SNTG1: variants seen among roughly 807,000 people sequenced by gnomAD.
SNTG1 encodes gamma-1-syntrophin.
In SNTG1, 39 loss-of-function variants were observed where a neutral mutation model predicts 74.7. The observed-to-expected ratio is 0.52, with a 90% CI of 0.40 to 0.68. SNTG1 has a LOEUF of 0.68. SNTG1 is among the 30% of genes least tolerant of loss of function. The probability of loss-of-function intolerance (pLI) is 0.00; values close to 1 mark genes in which losing one functional copy is unlikely to be tolerated. For synonymous variants in SNTG1, 254 were observed against 217.1 expected (o/e 1.17, Z -1.49); for missense variants, 685 against 609.5 (o/e 1.12, Z -1.30).
Position 50,139,821 on chromosome 8 carries a change from G to A in SNTG1, c.-102-32740G>A, listed in dbSNP as rs150310704. On this transcript the variant is annotated intron_variant, in intron 1 of 18. Coordinates refer to ENST00000642720, the MANE Select transcript of SNTG1 (RefSeq NM_018967.5). The stretch of plus-strand genomic sequence containing the variant: ...CAAGATTGCAAAGCACCAGAGCCAA[G>A]AGTGAGTCACTGGAATTTAAAGGAG... Among the ~76,000 whole-genome samples, 447 of 152,342 alleles carry A rather than the reference G, an allele frequency of 2.9e-3. 2 individuals are homozygous for A. Among genetic ancestry groups the A allele is most frequent in the African/African-American group, 0.01 (427 of 41,588 alleles).
intron 4 of SNTG1, among the ~76,000 whole-genome samples, chr8:50,424,684 A>C (rs2093139653): frequency 6.6e-6 from 1 of 152,202 alleles, no homozygotes; most frequent in African/African-American, 2.4e-5. Flanking sequence ...TTAAAAAATT[A>C]AAAATCACAC....
At chr8:50,100,542 C>A (rs775231996) in intron 1 of SNTG1, among the ~76,000 whole-genome samples, 1 of 151,972 alleles carries the variant, frequency 6.6e-6, no homozygotes, top group Non-Finnish European at 1.5e-5. Flanking sequence ...TAAATTTGTA[C>A]AGTTTATTAC....
chr8:49,929,994 AG>A, intron 1 of SNTG1, among the ~76,000 whole-genome samples: 1 of 151,934 alleles, frequency 6.6e-6, no homozygotes, highest in East Asian at 1.9e-4. Flanking sequence ...TAACAAAACA[AG>A]TAAACAACTA....
At chr8:50,332,591 A>T (rs1441256263) in intron 2 of SNTG1, among the ~76,000 whole-genome samples, 1 of 152,152 alleles carries the variant, frequency 6.6e-6, no homozygotes, top group Non-Finnish European at 1.5e-5. Context: ...TAATCACATG[A>T]TCTCCCTGAT....
At chr8:50,198,230 G>T (rs1260144078) in intron 2 of SNTG1, among the ~76,000 whole-genome samples, 1 of 152,166 alleles carries the variant, frequency 6.6e-6, no homozygotes, top group Non-Finnish European at 1.5e-5. Context: ...GGATCCAGCT[G>T]GGAGAAAGCA....
intron 1 of SNTG1, among the ~76,000 whole-genome samples, chr8:49,918,465 C>T (rs1806239458): frequency 6.6e-6 from 1 of 152,274 alleles, no homozygotes; most frequent in African/African-American, 2.4e-5. Context: ...AATATCCCTT[C>T]TTCCCAGAAT....
chr8:50,754,640 A>T (rs1427773342), intron 18 of SNTG1, among the ~76,000 whole-genome samples: 1 of 151,802 alleles, frequency 6.6e-6, no homozygotes, highest in Non-Finnish European at 1.5e-5. Context: ...ACTGATTTTT[A>T]TATTGTGGTC....
chr8:50,554,043 G>A (rs185358202), intron 12 of SNTG1, among the ~76,000 whole-genome samples: 1 of 152,078 alleles, frequency 6.6e-6, no homozygotes, highest in African/African-American at 2.4e-5. Context: ...TCACCAGCAC[G>A]TGAACACACA....
chr8:50,093,264 A>G (rs1320363846), intron 1 of SNTG1, among the ~76,000 whole-genome samples: 2 of 152,186 alleles, frequency 1.3e-5, no homozygotes, highest in East Asian at 1.9e-4. Flanking sequence ...CTGGGACCAT[A>G]TATTTTCTTT....
intron 8 of SNTG1, among the ~76,000 whole-genome samples, chr8:50,497,170 A>G (rs543460234): frequency 6.6e-6 from 1 of 151,938 alleles, no homozygotes; most frequent in Non-Finnish European, 1.5e-5. Context: ...TATATTTTTC[A>G]CTTATACTTG....
chr8:50,561,286 C>T (rs1406536877), intron 12 of SNTG1, among the ~76,000 whole-genome samples: 1 of 152,092 alleles, frequency 6.6e-6, no homozygotes, highest in Non-Finnish European at 1.5e-5. Flanking sequence ...CTGAGGCCTC[C>T]CCAGCCATGA....
intron 18 of SNTG1, among the ~76,000 whole-genome samples, chr8:50,782,530 TCTTGAG>T (rs2095662629): frequency 6.6e-6 from 1 of 152,234 alleles, no homozygotes; most frequent in Non-Finnish European, 1.5e-5. Context: ...TTCACATAGT[TCTTGAG>T]CCTTGGCTTT....
At chr8:50,260,872 A>G (rs2087157006) in intron 2 of SNTG1, among the ~76,000 whole-genome samples, 1 of 152,198 alleles carries the variant, frequency 6.6e-6, no homozygotes. Context: ...ATGGAACATG[A>G]AAGTTTTTCT....
chr8:50,221,778 A>T (rs892377725), intron 2 of SNTG1, among the ~76,000 whole-genome samples: 1 of 152,216 alleles, frequency 6.6e-6, no homozygotes, highest in Non-Finnish European at 1.5e-5. Flanking sequence ...TAGCATATCC[A>T]TTTAACAATG....
At chr8:49,944,542 C>T (rs1808986312) in intron 1 of SNTG1, among the ~76,000 whole-genome samples, 1 of 122,558 alleles carries the variant, frequency 8.2e-6, no homozygotes, top group Non-Finnish European at 1.6e-5. Context: ...AACACATGGA[C>T]ACAGGAAGGG....
At chr8:50,615,691 C>T (rs192801494) in intron 13 of SNTG1, among the ~76,000 whole-genome samples, 28 of 152,248 alleles carry the variant, frequency 1.8e-4, no homozygotes, top group South Asian at 1.0e-3. Context: ...CTAGAGAGAA[C>T]TTAATGTAAA....
Position 50,361,257 on chromosome 8 carries a change from A to T in SNTG1, c.-27-32955A>T, listed in dbSNP as rs1025475553. Among the ~76,000 whole-genome samples the T allele has an allele frequency of 5.9e-5, 9 of 152,264 alleles. No homozygotes were observed. In the East Asian group the frequency reaches 1.2e-3, roughly 20 times the overall value. On this transcript the variant is annotated intron_variant, in intron 2 of 18. Coordinates refer to ENST00000642720, the MANE Select transcript of SNTG1 (RefSeq NM_018967.5). ...CTTCCACCTCCTCTTGTCCCACTGG[A>T]AAGTCTTCAGGGGCATTAACAGCCA...
At chr8:50,769,606 A>G (rs1017381557) in intron 18 of SNTG1, among the ~76,000 whole-genome samples, 6 of 152,052 alleles carry the variant, frequency 3.9e-5, no homozygotes, top group Non-Finnish European at 8.8e-5. Flanking sequence ...TCTATTTATA[A>G]TTATTTGCAC....
intron 2 of SNTG1, among the ~76,000 whole-genome samples, chr8:50,217,093 C>T (rs1340286863): frequency 6.6e-6 from 1 of 151,464 alleles, no homozygotes; most frequent in Non-Finnish European, 1.5e-5. Flanking sequence ...TGGGCTGACA[C>T]CAAAAGAAGT....
Sources: allele counts gnomAD v4.1 joint callset (sites outside exome capture counted in the v4.1 genomes callset), GRCh38; gene constraint gnomAD v4.1.1; transcripts MANE v1.5; gene names NCBI Gene and HGNC (gene_info 2026-07-23, HGNC 2026-07-21).